C9orf85: variants seen among roughly 807,000 people sequenced by gnomAD.
The protein encoded by C9orf85 is uncharacterized protein C9orf85.
C9orf85 carries 16 observed loss-of-function variants against 14.9 expected under a neutral mutation model. The observed-to-expected ratio is 1.08, with a 90% CI of 0.73 to 1.63. The LOEUF is 1.63. Among genes scored for constraint, C9orf85 ranks in the 40% most tolerant of loss-of-function variants. C9orf85 has a pLI of 0.00. For synonymous variants in C9orf85, 45 were observed against 56.8 expected (o/e 0.79, Z 0.93); for missense variants, 172 against 186.1 (o/e 0.92, Z 0.44).
chr9:71,956,987 C>A (rs1475369788), intron 2 of C9orf85, among the ~76,000 whole-genome samples: 1 of 144,254 alleles, frequency 6.9e-6, no homozygotes, highest in African/African-American at 2.5e-5. Flanking sequence ...TGAAGACTGA[C>A]TTTTTTTTTT....
At chr9:71,918,895 C>T (rs1459830001) in intron 1 of C9orf85, among the ~76,000 whole-genome samples, 1 of 152,128 alleles carries the variant, frequency 6.6e-6, no homozygotes, top group Non-Finnish European at 1.5e-5. Flanking sequence ...ATGTAATGCA[C>T]TTGAATCATC....
At chr9:71,957,545 C>T (rs1822411651) in intron 2 of C9orf85, among the ~76,000 whole-genome samples, 1 of 152,134 alleles carries the variant, frequency 6.6e-6, no homozygotes, top group African/African-American at 2.4e-5. Flanking sequence ...TCATTGTTAG[C>T]CTGTTCCTCT....
chr9:71,948,806 G>A (rs1049538838), intron 2 of C9orf85, among the ~76,000 whole-genome samples: 2 of 136,586 alleles, frequency 1.5e-5, no homozygotes, highest in Admixed American at 7.8e-5. Flanking sequence ...TTACAGGCGT[G>A]AGCCACGCCC....
intron 1 of C9orf85, among the ~76,000 whole-genome samples, chr9:71,915,126 T>C (rs767941654): frequency 1.3e-5 from 2 of 152,092 alleles, no homozygotes; most frequent in Non-Finnish European, 2.9e-5. Context: ...GTACTATCTC[T>C]TGTCTTACTT....
At chr9:71,926,401 T>A (rs1297881218) in intron 1 of C9orf85, among the ~76,000 whole-genome samples, 2 of 152,152 alleles carry the variant, frequency 1.3e-5, no homozygotes, top group Non-Finnish European at 2.9e-5. Context: ...GGTTACCATA[T>A]TGGATAATGT....
chr9:71,950,479 T>C (rs1822216337), intron 2 of C9orf85, among the ~76,000 whole-genome samples: 1 of 152,162 alleles, frequency 6.6e-6, no homozygotes, highest in Non-Finnish European at 1.5e-5. Flanking sequence ...GCGATTCTTC[T>C]GCCTCAGCCT....
chr9:71,944,706 GTTT>G (rs1822036757), intron 1 of C9orf85, among the ~76,000 whole-genome samples: 1 of 152,020 alleles, frequency 6.6e-6, no homozygotes, highest in Non-Finnish European at 1.5e-5. Flanking sequence ...ATTCACTTCT[GTTT>G]TGCCAAAGAA....
intron 1 of C9orf85, among the ~76,000 whole-genome samples, chr9:71,938,732 T>C (rs1476995608): frequency 4.6e-5 from 7 of 151,822 alleles, no homozygotes; most frequent in Non-Finnish European, 8.8e-5. Flanking sequence ...GAACCAGAAC[T>C]TGTTATGTAT....
At chr9:71,930,155 A>T (rs890472016) in intron 1 of C9orf85, among the ~76,000 whole-genome samples, 11 of 152,084 alleles carry the variant, frequency 7.2e-5, no homozygotes, top group Non-Finnish European at 1.5e-4. Context: ...CTTTGTAGAT[A>T]AATAATTCTT....
chr9:71,933,614 A>T (rs1445144842), intron 1 of C9orf85, among the ~76,000 whole-genome samples: 1 of 152,202 alleles, frequency 6.6e-6, no homozygotes, highest in Non-Finnish European at 1.5e-5. Context: ...GTTACGTGTA[A>T]TAGTAACTTA....
chr9:71,939,125 T>C (rs1433595793), intron 1 of C9orf85, among the ~76,000 whole-genome samples: 2 of 151,794 alleles, frequency 1.3e-5, no homozygotes, highest in African/African-American at 4.8e-5. Context: ...GTTTTAGCTC[T>C]ATAAAATTGA....
chr9:71,978,770 GCAGGCCTGTAATCC>G (rs1451944540), intron 3 of C9orf85, among the ~76,000 whole-genome samples: 16 of 152,104 alleles, frequency 1.1e-4, no homozygotes, highest in Middle Eastern at 3.2e-3. Flanking sequence ...GCATGGTGGT[GCAGGCCTGTAATCC>G]CAGCACTTTG....
chr9:71,950,359 A>T (rs1215912032), intron 2 of C9orf85, among the ~76,000 whole-genome samples: 1 of 94,488 alleles, frequency 1.1e-5, no homozygotes, highest in Non-Finnish European at 2.1e-5. Context: ...ATTTTACTGG[A>T]TATACCTTTT....
chr9:71,980,647 T>C (rs1463807012), intron 3 of C9orf85, among the ~76,000 whole-genome samples: 2 of 152,218 alleles, frequency 1.3e-5, no homozygotes, highest in African/African-American at 2.4e-5. Context: ...CAACTGTGAC[T>C]CTGGAAAAAC....
At chr9:71,923,116 C>T (rs968207375) in intron 1 of C9orf85, among the ~76,000 whole-genome samples, 18 of 152,104 alleles carry the variant, frequency 1.2e-4, no homozygotes, top group Admixed American at 3.9e-4. Flanking sequence ...GGCAACAGTG[C>T]AAGACTCCGT....
rs1186611143 is a variant in C9orf85 at position 71,911,717 on chromosome 9, G to T, written c.-18G>T. 4 of 1,611,714 alleles carry T rather than the reference G, an allele frequency of 2.5e-6. No individual in the cohort carries two copies. The highest frequency in any genetic ancestry group is 1.3e-5 in the African/African-American group (1 of 74,860). On this transcript the variant is annotated 5_prime_UTR_variant, in exon 1 of 4. Transcript: ENST00000334731. Reference sequence around the variant, plus strand: ...TCCTTTTGCCTGCTCCCGGCGAGGGGTGGCTTTGATTTCGGCGATGAGCTC... The same window carrying T: ...TCCTTTTGCCTGCTCCCGGCGAGGGTTGGCTTTGATTTCGGCGATGAGCTC...
downstream of C9orf85, among the ~76,000 whole-genome samples, chr9:71,977,176 A>G (rs925469874): frequency 6.6e-6 from 1 of 150,758 alleles, no homozygotes; most frequent in Admixed American, 6.7e-5. Flanking sequence ...AAGCACCCAT[A>G]TCTGTAAAAA....
At chr9:71,927,010 T>C (rs1401592496) in intron 1 of C9orf85, among the ~76,000 whole-genome samples, 1 of 152,068 alleles carries the variant, frequency 6.6e-6, no homozygotes, top group East Asian at 1.9e-4. Flanking sequence ...GAAAAAGATG[T>C]TACCTAGACA....
chr9:71,941,012 G>A (rs1053776472), intron 1 of C9orf85, among the ~76,000 whole-genome samples: 1 of 152,116 alleles, frequency 6.6e-6, no homozygotes, highest in Admixed American at 6.6e-5. Flanking sequence ...GACAACCAAG[G>A]GGAATTAGAG....
Sources: allele counts gnomAD v4.1 joint callset (sites outside exome capture counted in the v4.1 genomes callset), GRCh38; gene constraint gnomAD v4.1.1; transcripts MANE v1.5; gene names NCBI Gene and HGNC (gene_info 2026-07-23, HGNC 2026-07-21).